The following ZNF100 variants were observed in gnomAD, a reference collection of about 807,000 sequenced individuals.
ZNF100 encodes the protein zinc finger protein 100 (Y1).
Under a neutral mutation model 15.8 loss-of-function variants are expected in ZNF100, and 12 were observed. The observed-to-expected ratio is 0.76, with a 90% CI of 0.49 to 1.23. ZNF100 has a LOEUF of 1.23. ZNF100 is among the 50% of genes most tolerant of loss of function. The pLI is 0.00. For synonymous variants in ZNF100, 226 were observed against 214.8 expected (o/e 1.05, Z -0.45); for missense variants, 670 against 635.6 (o/e 1.05, Z -0.58).
chr19:21,767,556 C>CCGGCTACAG lies in ZNF100; in HGVS notation c.-136_-128dup. The CCGGCTACAG allele has an allele frequency of 1.4e-6, 2 of 1,415,574 alleles. No individual in the cohort carries two copies. The highest frequency in any genetic ancestry group is 1.9e-6 in the Non-Finnish European group (2 of 1,037,776). 87.7% of individuals were successfully genotyped at this position (1,415,574 alleles called of 1,614,324 possible). Reference sequence around the variant, plus strand: ...AGAAGTGAGAGCAAAACCTGGAGCTCCGGCTACAGCGAGAGACAAAGACCC... The same window carrying CCGGCTACAG: ...AGAAGTGAGAGCAAAACCTGGAGCTCCGGCTACAGCGGCTACAGCGAGAGACAAAGACCC... On this transcript the variant is annotated 5_prime_UTR_variant, in exon 1 of 5. Transcript: ENST00000358296.
intron 4 of ZNF100, among the ~76,000 whole-genome samples, chr19:21,735,980 G>T (rs2036002239): frequency 6.6e-6 from 1 of 152,056 alleles, no homozygotes; most frequent in Non-Finnish European, 1.5e-5. Context: ...AGTAGAGACG[G>T]GGTTTCACCT....
chr19:21,758,664 C>A (rs1474681783), intron 2 of ZNF100, among the ~76,000 whole-genome samples: 1 of 152,096 alleles, frequency 6.6e-6, no homozygotes, highest in African/African-American at 2.4e-5. Context: ...GCAAGAAATA[C>A]TAGGATCCAC....
At chr19:21,743,733 T>C (rs1283555952) in intron 4 of ZNF100, among the ~76,000 whole-genome samples, 1 of 151,906 alleles carries the variant, frequency 6.6e-6, no homozygotes, top group Non-Finnish European at 1.5e-5. Context: ...GTGCAGTCTT[T>C]TATATGCCTT....
intron 2 of ZNF100, among the ~76,000 whole-genome samples, chr19:21,756,514 C>A (rs796069696): frequency 1.3e-5 from 2 of 150,854 alleles, no homozygotes; most frequent in African/African-American, 4.9e-5. Context: ...ACACAAATAT[C>A]GAGGAATACA....
chr19:21,749,104 A>C (rs2036259982), intron 2 of ZNF100, among the ~76,000 whole-genome samples: 1 of 152,182 alleles, frequency 6.6e-6, no homozygotes. Flanking sequence ...AGTCTAGAGC[A>C]AAAGTTTCTG....
Position 21,744,802 on chromosome 19 carries a change from CCA to C in ZNF100, c.223+137_223+138del, listed in dbSNP as rs2036181922. 2.0e-5 allele frequency: 27 copies of C among 1,348,464 alleles called. No homozygotes were observed. In the South Asian group the frequency reaches 3.4e-4, roughly 17 times the overall value. 83.5% of individuals were successfully genotyped at this position (1,348,464 alleles called of 1,614,324 possible). A position where few individuals can be genotyped will look rare whatever the true frequency, so the allele number is the denominator to read the frequency against. ...TGAAACATCTTGAATACATTCTTTT[CCA>C]CACACAGCCTCAAGATTTTCTTGAA... On this transcript the variant is annotated intron_variant, in intron 3 of 4. Coordinates refer to ENST00000358296, the MANE Select transcript of ZNF100 (RefSeq NM_173531.4).
At chr19:21,741,185 T>C (rs1035921123) in intron 4 of ZNF100, among the ~76,000 whole-genome samples, 2 of 152,226 alleles carry the variant, frequency 1.3e-5, no homozygotes, top group Admixed American at 1.3e-4. Context: ...TCCACTTATA[T>C]GAGATATCTT....
intron 1 of ZNF100, 143 bp from the exon 2 acceptor site, chr19:21,765,929 C>G (rs1325523191): frequency 1.4e-6 from 1 of 713,884 alleles, no homozygotes; most frequent in Non-Finnish European, 2.3e-6. Context: ...ACACATCACC[C>G]CATAGATTTT....
intron 2 of ZNF100, among the ~76,000 whole-genome samples, chr19:21,748,701 TTTTTG>T (rs201727212): frequency 0.086 from 13,122 of 152,166 alleles, 731 homozygotes; most frequent in South Asian, 0.18. Context: ...GGGCAAAGTT[TTTTTG>T]TTTTGTTTTG....
chr19:21,746,619 T>C (rs1307905607), intron 2 of ZNF100, among the ~76,000 whole-genome samples: 2 of 152,016 alleles, frequency 1.3e-5, no homozygotes, highest in African/African-American at 4.8e-5. Flanking sequence ...TAAGAAGCCA[T>C]GATATTGAGA....
At chr19:21,730,591 AT>A (rs527522307) in intron 4 of ZNF100, among the ~76,000 whole-genome samples, 4 of 148,642 alleles carry the variant, frequency 2.7e-5, no homozygotes, top group Admixed American at 6.8e-5. Context: ...TGTAATAAAA[AT>A]AAATCAAAAC....
In ZNF100 at chr19:21,767,456, T is replaced by A; in HGVS notation, c.-27A>T. On this transcript the variant is annotated 5_prime_UTR_variant, in exon 1 of 5. Transcript: ENST00000358296. ...TCTAGGCTTCTAGGGGGTCCTGGCG[T>A]CTTAGCTGTGGATCTCCCAATATCT... is the stretch of plus-strand genomic sequence containing the variant. 6.2e-7 allele frequency: 1 copy of A among 1,613,940 alleles called. No homozygotes were observed. Among genetic ancestry groups the A allele is most frequent in the Non-Finnish European group, 8.5e-7 (1 of 1,179,966 alleles).
chr19:21,729,477 GTTAATGGGTGCAGCACACCAA>G (rs2035875156), intron 4 of ZNF100, among the ~76,000 whole-genome samples: 1 of 151,830 alleles, frequency 6.6e-6, no homozygotes, highest in Non-Finnish European at 1.5e-5. Context: ...TAAACGACGA[GTTAATGGGTGCAGCACACCAA>G]CATGGCACAT....
chr19:21,751,701 C>T (rs189762491), intron 2 of ZNF100: 277 of 1,202,868 alleles, frequency 2.3e-4, no homozygotes, highest in Non-Finnish European at 2.6e-4. Context: ...ATTAATGTTC[C>T]TGCTAGTGTT....
chr19:21,756,084 T>C (rs1429209048), intron 2 of ZNF100, among the ~76,000 whole-genome samples: 1 of 152,190 alleles, frequency 6.6e-6, no homozygotes, highest in East Asian at 1.9e-4. Flanking sequence ...AAAAAAATGT[T>C]ACTTATCACA....
At chr19:21,729,797 A>T (rs999981950) in intron 4 of ZNF100, among the ~76,000 whole-genome samples, 1 of 152,056 alleles carries the variant, frequency 6.6e-6, no homozygotes, top group Non-Finnish European at 1.5e-5. Context: ...ATCTGTTAAT[A>T]AATATACAAC....
At chr19:21,745,801 C>T (rs1344861275) in intron 2 of ZNF100, among the ~76,000 whole-genome samples, 4 of 152,184 alleles carry the variant, frequency 2.6e-5, no homozygotes, top group Non-Finnish European at 5.9e-5. Context: ...GGATTACAGG[C>T]GTGAGCCACC....
rs1375765679 is a variant in ZNF100, at chr19:21,725,390, ATTAAG to A, written c.*1288_*1292del. 14 of 152,192 alleles carry A rather than the reference ATTAAG, an allele frequency of 9.2e-5. No homozygotes were observed. The highest frequency in any genetic ancestry group is 4.6e-4 in the Admixed American group (7 of 15,296). 9.4% of individuals were successfully genotyped at this position (152,192 alleles called of 1,614,324 possible). A position where few individuals can be genotyped will look rare whatever the true frequency, so the allele number is the denominator to read the frequency against. On this transcript the variant is annotated 3_prime_UTR_variant, in exon 5 of 5. Transcript: ENST00000358296. ...TAATTTTAATTTACTTATAAATGAAATTAAGTTTTCTCATAATGCAGAATATTACT... is the reference window on the plus strand; with the variant it reads ...TAATTTTAATTTACTTATAAATGAAATTTTCTCATAATGCAGAATATTACT...
In ZNF100 at chr19:21,727,676, T is replaced by C. The variant is rs1358716382; in HGVS notation, c.636A>G (p.Lys212=). The change falls in exon 5 of 5, where the codon AAA becomes AAG. Residue 212 remains lysine (K), a synonymous_variant. Transcript: ENST00000358296. ...KKPFKCKKCE[K]SFCMLLHLTQ... ...TTAGGTGTAAAAGCATGCAAAATGA[T>C]TTTTCACATTTTTTACATTTGAAAG... 6 of 1,612,850 alleles carry C rather than the reference T, an allele frequency of 3.7e-6. No homozygotes were observed. Among genetic ancestry groups the C allele is most frequent in the Non-Finnish European group, 5.1e-6 (6 of 1,179,674 alleles).
Sources: allele counts gnomAD v4.1 joint callset (sites outside exome capture counted in the v4.1 genomes callset), GRCh38; gene constraint gnomAD v4.1.1; transcripts MANE v1.5; gene names NCBI Gene and HGNC (gene_info 2026-07-23, HGNC 2026-07-21).